CDH13: variants seen among roughly 807,000 people sequenced by gnomAD.
The protein encoded by CDH13 is cadherin-13.
Under a neutral mutation model 63.8 loss-of-function variants are expected in CDH13, and 24 were observed. The observed-to-expected ratio is 0.38, with a 90% CI of 0.27 to 0.53. The LOEUF (loss-of-function observed/expected upper bound fraction) is 0.53, where lower values mean the gene tolerates loss of function less well. Ranked by LOEUF, CDH13 falls within the 20% of genes least tolerant of loss-of-function variation. CDH13 has a pLI of 0.85. For missense variants in CDH13, 1,049 were observed against 903.1 expected, an observed-to-expected ratio of 1.16 and a Z score of -2.07; for synonymous variants, 503 against 355.3, an observed-to-expected ratio of 1.42 and a Z score of -4.67.
chr16:83,125,813 A>C (rs1346969426), intron 4 of CDH13, among the ~76,000 whole-genome samples: 1 of 152,228 alleles, frequency 6.6e-6, no homozygotes, highest in African/African-American at 2.4e-5. Context: ...GGTGATCACC[A>C]GATAGGGCCC....
intron 8 of CDH13, among the ~76,000 whole-genome samples, chr16:83,644,207 A>G (rs1178322690): frequency 6.6e-6 from 1 of 152,144 alleles, no homozygotes; most frequent in Non-Finnish European, 1.5e-5. Flanking sequence ...AACTTAGCAC[A>G]TTTTATTTCC....
intron 1 of CDH13, among the ~76,000 whole-genome samples, chr16:82,844,022 T>G (rs371895201): frequency 1.2e-4 from 18 of 152,358 alleles, no homozygotes; most frequent in African/African-American, 4.3e-4. Flanking sequence ...TCTTGTAAGC[T>G]TCTCATGGGC....
intron 1 of CDH13, among the ~76,000 whole-genome samples, chr16:82,747,210 G>C (rs147017014): frequency 6.6e-6 from 1 of 152,122 alleles, no homozygotes; most frequent in East Asian, 1.9e-4. Flanking sequence ...ACTGTGGTCC[G>C]TAGATCAGTA....
intron 2 of CDH13, among the ~76,000 whole-genome samples, chr16:82,870,934 T>C (rs1235267762): frequency 7.2e-6 from 1 of 139,726 alleles, no homozygotes; most frequent in African/African-American, 3.4e-5. Context: ...ATCTTTCTGA[T>C]ATCCAGTAGG....
intron 6 of CDH13, among the ~76,000 whole-genome samples, chr16:83,404,713 C>G (rs977214832): frequency 2.0e-5 from 3 of 152,192 alleles, no homozygotes; most frequent in African/African-American, 7.2e-5. Flanking sequence ...CCAGAACAGC[C>G]ACTGTGTCTT....
intron 9 of CDH13, among the ~76,000 whole-genome samples, chr16:83,673,099 T>C (rs1296050147): frequency 1.3e-5 from 2 of 152,226 alleles, no homozygotes; most frequent in African/African-American, 4.8e-5. Flanking sequence ...AGTACATTCA[T>C]ATATAGGAGT....
At position 83,780,632 on chromosome 16, in the gene CDH13, T is replaced by C. The variant is rs1482474460; in HGVS notation, c.1915+431T>C. 2.6e-5 allele frequency among the ~76,000 whole-genome samples: 4 copies of C among 152,352 alleles called. No individual in the cohort carries two copies. In the South Asian group the frequency reaches 8.3e-4, roughly 32 times the overall value. Reference sequence around the variant, plus strand: ...ACCCAATAGTGAACTTTCTCTTAACTAATCTGTAGTTTCTGCCATCCCAGA... The same window carrying C: ...ACCCAATAGTGAACTTTCTCTTAACCAATCTGTAGTTTCTGCCATCCCAGA... On this transcript the variant is annotated intron_variant, in intron 12 of 13. Transcript: ENST00000567109.
chr16:83,238,420 C>G (rs1433455370), intron 5 of CDH13, among the ~76,000 whole-genome samples: 1 of 152,148 alleles, frequency 6.6e-6, no homozygotes, highest in African/African-American at 2.4e-5. Flanking sequence ...GGGAAAGACC[C>G]ACCCCCATGA....
At chr16:83,654,853 A>G (rs1170758163) in intron 8 of CDH13, 1 of 152,156 alleles carries the variant, frequency 6.6e-6, no homozygotes, top group Non-Finnish European at 1.5e-5. Context: ...GGAGAGGTGA[A>G]AGAGCATCTC....
chr16:83,384,581 G>T (rs2091635743), intron 6 of CDH13, among the ~76,000 whole-genome samples: 1 of 152,244 alleles, frequency 6.6e-6, no homozygotes, highest in South Asian at 2.1e-4. Context: ...AGAAGGAATG[G>T]TTCTGCCAAA....
At chr16:82,989,537 G>C (rs1911387700) in intron 2 of CDH13, among the ~76,000 whole-genome samples, 1 of 152,204 alleles carries the variant, frequency 6.6e-6, no homozygotes, top group East Asian at 1.9e-4. Context: ...ATCCAGTCAT[G>C]TCAATTTTCT....
At chr16:82,699,071 A>C (rs1485650173) in intron 1 of CDH13, among the ~76,000 whole-genome samples, 1 of 152,226 alleles carries the variant, frequency 6.6e-6, no homozygotes, top group Non-Finnish European at 1.5e-5. Context: ...CTTCATACTA[A>C]TAATAATATA....
At chr16:83,722,148 A>G (rs902597368) in intron 10 of CDH13, among the ~76,000 whole-genome samples, 31 of 152,174 alleles carry the variant, frequency 2.0e-4, no homozygotes, top group African/African-American at 7.2e-4. Context: ...AGGTGCCCAC[A>G]GTATTCAAAT....
At chr16:83,644,898 A>C (rs545487439) in intron 8 of CDH13, among the ~76,000 whole-genome samples, 1 of 152,336 alleles carries the variant, frequency 6.6e-6, no homozygotes, top group Admixed American at 6.5e-5. Context: ...TATGCTTTGC[A>C]GCTGTAGCTC....
intron 5 of CDH13, among the ~76,000 whole-genome samples, chr16:83,308,157 TA>T (rs1413842684): frequency 2.0e-5 from 3 of 152,214 alleles, no homozygotes; most frequent in Non-Finnish European, 4.4e-5. Flanking sequence ...CTATTCAATA[TA>T]TTTTTTTTGT....
chr16:82,679,691 G>C (rs1254898417), intron 1 of CDH13, among the ~76,000 whole-genome samples: 1 of 152,180 alleles, frequency 6.6e-6, no homozygotes, highest in Non-Finnish European at 1.5e-5. Flanking sequence ...TTCGTCGTCA[G>C]ATAAATAGGG....
intron 1 of CDH13, among the ~76,000 whole-genome samples, chr16:82,833,396 T>C (rs190900271): frequency 2.0e-5 from 3 of 152,282 alleles, no homozygotes; most frequent in Admixed American, 1.3e-4. Flanking sequence ...AGATAGTAAA[T>C]TGTGGCGTGG....
At chr16:82,954,375 G>T (rs148234790) in intron 2 of CDH13, 1 of 151,876 alleles carries the variant, frequency 6.6e-6, no homozygotes, top group Admixed American at 6.6e-5. Flanking sequence ...GAGATACAGG[G>T]GTTTCCAGAA....
intron 3 of CDH13, among the ~76,000 whole-genome samples, chr16:83,079,049 C>T (rs1034264245): frequency 7.2e-5 from 11 of 152,172 alleles, no homozygotes; most frequent in African/African-American, 2.4e-4. Flanking sequence ...CCTACCTCAG[C>T]CTACGAAAGT....
Sources: allele counts gnomAD v4.1 joint callset (sites outside exome capture counted in the v4.1 genomes callset), GRCh38; gene constraint gnomAD v4.1.1; transcripts MANE v1.5; gene names NCBI Gene and HGNC (gene_info 2026-07-23, HGNC 2026-07-21).